LINGO2: variants seen among roughly 807,000 people sequenced by gnomAD.
LINGO2 encodes leucine-rich repeat and immunoglobulin-like domain-containing nogo receptor-interacting protein 2.
A neutral mutation model predicts 30.6 loss-of-function variants in LINGO2; 14 were observed. The ratio of observed to expected loss-of-function variants is 0.46; its 90% CI spans 0.30 to 0.72. LINGO2 has a LOEUF of 0.72. Among genes scored for constraint, LINGO2 ranks in the 30% least tolerant of loss-of-function variants. The pLI is 0.07. For missense variants in LINGO2, 729 were observed against 751.7 expected (o/e 0.97, Z 0.35); for synonymous variants, 317 against 288.5 (o/e 1.10, Z -1.00).
At chr9:29,133,771 C>T in the LINGO2 span, among the ~76,000 whole-genome samples, 24,729 of 151,984 alleles carry the variant, frequency 0.16, 2,173 homozygotes, top group East Asian at 0.37. Context: ...ATCATGCTAC[C>T]ATTGCAACAT....
chr9:28,100,724 T>C (rs1587847759), intron 4 of LINGO2, among the ~76,000 whole-genome samples: 1 of 152,136 alleles, frequency 6.6e-6, no homozygotes, highest in African/African-American at 2.4e-5. Context: ...CAGGGATTAT[T>C]GCTTCCCATC....
intron 1 of LINGO2, among the ~76,000 whole-genome samples, chr9:28,569,426 T>TAC (rs1301680625): frequency 1.3e-5 from 2 of 150,720 alleles, no homozygotes; most frequent in Non-Finnish European, 3.0e-5. Context: ...GAAAAGGTGA[T>TAC]ATATATATGA....
intron 5 of LINGO2, among the ~76,000 whole-genome samples, chr9:28,006,333 T>G (rs772231888): frequency 2.8e-5 from 3 of 107,286 alleles, no homozygotes; most frequent in Admixed American, 1.7e-4. Context: ...TACCTAAGAT[T>G]AAAAAAATCC....
the LINGO2 span, among the ~76,000 whole-genome samples, chr9:28,842,928 G>GCA: frequency 2.0e-5 from 3 of 151,854 alleles, no homozygotes; most frequent in Admixed American, 1.3e-4. Context: ...TGCTTTTGGA[G>GCA]TTATTTTTCT....
chr9:28,541,942 G>A (rs951634386), intron 1 of LINGO2, among the ~76,000 whole-genome samples: 9 of 152,084 alleles, frequency 5.9e-5, no homozygotes, highest in Non-Finnish European at 1.3e-4. Flanking sequence ...TCAGAGGAGA[G>A]AAGCTGCCTC....
chr9:29,139,677 A>G, the LINGO2 span, among the ~76,000 whole-genome samples: 1 of 152,178 alleles, frequency 6.6e-6, no homozygotes, highest in Non-Finnish European at 1.5e-5. Flanking sequence ...AAAGCCAGTA[A>G]GTAAATTAGT....
At chr9:28,777,707 A>G in the LINGO2 span, among the ~76,000 whole-genome samples, 1 of 152,208 alleles carries the variant, frequency 6.6e-6, no homozygotes, top group Non-Finnish European at 1.5e-5. Flanking sequence ...AGAACAGAAT[A>G]AGGAAAATCT....
chr9:28,465,066 A>AC (rs1267196007), intron 2 of LINGO2, among the ~76,000 whole-genome samples: 7 of 152,018 alleles, frequency 4.6e-5, no homozygotes, highest in Non-Finnish European at 1.0e-4. Flanking sequence ...GTTGCATGCG[A>AC]CCTCTGGATC....
chr9:28,551,830 G>T (rs777668862), intron 1 of LINGO2, among the ~76,000 whole-genome samples: 1 of 152,102 alleles, frequency 6.6e-6, no homozygotes, highest in East Asian at 1.9e-4. Context: ...TCTGACACAC[G>T]TGTGTCCTCA....
intron 1 of LINGO2, among the ~76,000 whole-genome samples, chr9:28,513,321 C>G (rs966599411): frequency 1.3e-5 from 2 of 152,194 alleles, no homozygotes; most frequent in Non-Finnish European, 2.9e-5. Context: ...GTTACGGTGT[C>G]TACATTTCAG....
chr9:28,082,255 T>A (rs1410047859), intron 4 of LINGO2, among the ~76,000 whole-genome samples: 1 of 152,174 alleles, frequency 6.6e-6, no homozygotes, highest in Non-Finnish European at 1.5e-5. Flanking sequence ...TTTGTTGATT[T>A]TGAAAGATCT....
At chr9:28,270,889 G>T (rs1822915707) in intron 4 of LINGO2, among the ~76,000 whole-genome samples, 1 of 152,090 alleles carries the variant, frequency 6.6e-6, no homozygotes, top group Non-Finnish European at 1.5e-5. Flanking sequence ...GAGATTCAGA[G>T]AGACTAAATC....
chr9:28,388,474 G>A (rs1486114110), intron 2 of LINGO2, among the ~76,000 whole-genome samples: 6 of 152,150 alleles, frequency 3.9e-5, no homozygotes, highest in Non-Finnish European at 8.8e-5. Flanking sequence ...GCATGCATAT[G>A]TTCAATTTTA....
chr9:28,737,019 AT>A, the LINGO2 span, among the ~76,000 whole-genome samples: 1 of 152,118 alleles, frequency 6.6e-6, no homozygotes, highest in African/African-American at 2.4e-5. Context: ...ATTCCCTTGC[AT>A]ATTAGATTTG....
the LINGO2 span, among the ~76,000 whole-genome samples, chr9:29,062,546 A>T: frequency 5.3e-5 from 8 of 152,116 alleles, no homozygotes; most frequent in Non-Finnish European, 1.2e-4. Context: ...AACAGGATGA[A>T]CCTTGAAAAC....
chr9:28,054,451 CAT>C (rs1486011085), intron 4 of LINGO2, among the ~76,000 whole-genome samples: 1 of 152,102 alleles, frequency 6.6e-6, no homozygotes, highest in Non-Finnish European at 1.5e-5. Context: ...GCTATACTGA[CAT>C]ATATACACAC....
At chr9:28,888,540 C>T in the LINGO2 span, among the ~76,000 whole-genome samples, 44 of 152,128 alleles carry the variant, frequency 2.9e-4, no homozygotes, top group African/African-American at 9.6e-4. Flanking sequence ...TTTTTCCTTT[C>T]CTGCAAGGTC....
At chr9:28,210,713 G>A (rs763141831) in intron 4 of LINGO2, among the ~76,000 whole-genome samples, 1 of 151,674 alleles carries the variant, frequency 6.6e-6, no homozygotes, top group Non-Finnish European at 1.5e-5. Flanking sequence ...AAAACTGGTA[G>A]AGTTTTATGA....
At chr9:28,634,194 G>T (rs1385400531) in intron 1 of LINGO2, among the ~76,000 whole-genome samples, 1 of 152,084 alleles carries the variant, frequency 6.6e-6, no homozygotes, top group Non-Finnish European at 1.5e-5. Flanking sequence ...TCTCACATAT[G>T]TTCCACTTGT....
Sources: allele counts gnomAD v4.1 joint callset (sites outside exome capture counted in the v4.1 genomes callset), GRCh38; gene constraint gnomAD v4.1.1; transcripts MANE v1.5; gene names NCBI Gene and HGNC (gene_info 2026-07-23, HGNC 2026-07-21).